Variants in C12orf42 observed in about 807,000 individuals in gnomAD.
C12orf42 encodes the protein uncharacterized protein C12orf42.
C12orf42 carries 25 observed loss-of-function variants against 21.6 expected under a neutral mutation model. That is an observed-to-expected ratio of 1.16 (90% CI 0.84 to 1.62). C12orf42 has a LOEUF of 1.62. Among genes scored for constraint, C12orf42 ranks in the 40% most tolerant of loss-of-function variants. The pLI is 0.00. For missense variants in C12orf42, 483 were observed against 459.3 expected, an observed-to-expected ratio of 1.05 and a Z score of -0.47; for synonymous variants, 174 against 175.0, an observed-to-expected ratio of 0.99 and a Z score of 0.05.
chr12:103,426,125 G>A (rs1021274117), intron 2 of C12orf42, among the ~76,000 whole-genome samples: 1 of 152,212 alleles, frequency 6.6e-6, no homozygotes, highest in African/African-American at 2.4e-5. Context: ...TGAATTGACA[G>A]AAGTAGGCTT....
At chr12:103,100,223 G>A in the C12orf42 span, among the ~76,000 whole-genome samples, 1 of 152,164 alleles carries the variant, frequency 6.6e-6, no homozygotes, top group Non-Finnish European at 1.5e-5. Flanking sequence ...AACTTTGGCG[G>A]GCAATCTTGC....
At chr12:103,431,307 G>C (rs1006251619) in intron 2 of C12orf42, 3 of 152,288 alleles carry the variant, frequency 2.0e-5, no homozygotes, top group Non-Finnish European at 4.4e-5. Context: ...ACCTAAAAGT[G>C]ATGGAGTTGA....
chr12:103,530,031 A>C, the C12orf42 span, among the ~76,000 whole-genome samples: 1 of 152,222 alleles, frequency 6.6e-6, no homozygotes, highest in Non-Finnish European at 1.5e-5. Context: ...ACAAGTTATT[A>C]AAATGTGTAT....
intron 4 of C12orf42, among the ~76,000 whole-genome samples, chr12:103,348,936 AG>A (rs1310526995): frequency 6.6e-6 from 1 of 152,222 alleles, no homozygotes; most frequent in East Asian, 1.9e-4. Context: ...AGGATGCAGC[AG>A]ACACTGTTGA....
At position 103,466,178 on chromosome 12, in the gene C12orf42, C is replaced by G. The variant is rs1404253591; in HGVS notation, c.78+12171G>C. Among the ~76,000 whole-genome samples the G allele has an allele frequency of 2.0e-5, 3 of 152,228 alleles. No homozygotes were observed. In the East Asian group the frequency reaches 5.8e-4, roughly 29 times the overall value. The stretch of plus-strand genomic sequence containing the variant: ...GGAATAGTTTCAGAAGAAATAGTAC[C>G]AGCTCCTCTGTACCTCTGGTAGAAT... On this transcript the variant is annotated intron_variant, in intron 2 of 5. Coordinates refer to ENST00000548883, the MANE Select transcript of C12orf42 (RefSeq NM_198521.5).
the C12orf42 span, among the ~76,000 whole-genome samples, chr12:103,111,464 G>C: frequency 6.6e-6 from 1 of 152,082 alleles, no homozygotes; most frequent in African/African-American, 2.4e-5. Flanking sequence ...TCATTGATTC[G>C]ATGAATATTA....
At chr12:103,256,111 TAC>T (rs199952822) in intron 10 of C12orf42, among the ~76,000 whole-genome samples, 896 of 33,764 alleles carry the variant, frequency 0.027, 15 homozygotes, top group East Asian at 0.06. Context: ...TATATATATA[TAC>T]ACACACACAC....
At chr12:103,337,371 T>C (rs187086199) in intron 4 of C12orf42, among the ~76,000 whole-genome samples, 2 of 152,224 alleles carry the variant, frequency 1.3e-5, no homozygotes, top group East Asian at 3.9e-4. Context: ...TGTTTGTTTT[T>C]GATGGAATCT....
chr12:103,409,940 A>G (rs2048705734), intron 2 of C12orf42, among the ~76,000 whole-genome samples: 1 of 152,214 alleles, frequency 6.6e-6, no homozygotes, highest in African/African-American at 2.4e-5. Flanking sequence ...CCCAAATGTT[A>G]TTTAGAGTCT....
At chr12:103,310,273 C>CTCTG (rs1555252405) in intron 4 of C12orf42, among the ~76,000 whole-genome samples, 29 of 152,156 alleles carry the variant, frequency 1.9e-4, no homozygotes, top group African/African-American at 6.7e-4. Context: ...CTCTCTCTCT[C>CTCTG]TGTGTCTCTC....
chr12:103,386,984 T>A (rs7958576), intron 3 of C12orf42, among the ~76,000 whole-genome samples: 1 of 152,152 alleles, frequency 6.6e-6, no homozygotes, highest in African/African-American at 2.4e-5. Flanking sequence ...CAGCTCCACA[T>A]CCCATTCAAA....
chr12:103,459,463 C>T (rs975101274), intron 2 of C12orf42, among the ~76,000 whole-genome samples: 10 of 152,168 alleles, frequency 6.6e-5, no homozygotes, highest in South Asian at 2.1e-4. Flanking sequence ...GTGGCACCTC[C>T]CCCTGCTCTT....
At chr12:103,077,298 G>T in the C12orf42 span, among the ~76,000 whole-genome samples, 1 of 152,144 alleles carries the variant, frequency 6.6e-6, no homozygotes, top group Admixed American at 6.5e-5. Flanking sequence ...CAACAGAAAA[G>T]TGCAAATATT....
At chr12:103,460,318 C>G (rs1031211597) in intron 2 of C12orf42, among the ~76,000 whole-genome samples, 10 of 151,604 alleles carry the variant, frequency 6.6e-5, no homozygotes, top group African/African-American at 2.4e-4. Context: ...AAAGGAATTC[C>G]CGGGAAAGAT....
intron 3 of C12orf42, among the ~76,000 whole-genome samples, chr12:103,388,262 C>T (rs1238909712): frequency 6.6e-6 from 1 of 152,160 alleles, no homozygotes; most frequent in East Asian, 1.9e-4. Flanking sequence ...TGATCTCTCT[C>T]CCTGTTTTCT....
In C12orf42 at chr12:103,453,025, C is replaced by CA. The variant is rs34639780; in HGVS notation, c.78+25323dup. ...ATGTACCCTAGAACTTATAGTATAT[C>CA]AAAAAAAAAAAGAAAAGGAAATTTT... On this transcript the variant is annotated intron_variant, in intron 2 of 5. Transcript: ENST00000548883. Among the ~76,000 whole-genome samples, 1,321 of 148,906 alleles carry CA rather than the reference C, an allele frequency of 8.9e-3. 25 individuals carry two copies. The highest frequency in any genetic ancestry group is 0.031 in the African/African-American group (1,236 of 40,376).
chr12:103,104,359 T>C, the C12orf42 span, among the ~76,000 whole-genome samples: 2 of 152,200 alleles, frequency 1.3e-5, no homozygotes, highest in African/African-American at 4.8e-5. Context: ...AACAAACAAA[T>C]TGAATACCAA....
chr12:103,296,669 A>C (rs2037310847), intron 4 of C12orf42, among the ~76,000 whole-genome samples: 1 of 152,178 alleles, frequency 6.6e-6, no homozygotes, highest in Non-Finnish European at 1.5e-5. Context: ...TCTTTTGAGA[A>C]GTGTCTCTTC....
the C12orf42 span, among the ~76,000 whole-genome samples, chr12:103,506,940 T>TA: frequency 1.5e-4 from 1 of 6,614 alleles, no homozygotes; most frequent in African/African-American, 1.4e-3. Flanking sequence ...ATATATTATA[T>TA]TTATATATAA....
Sources: gnomAD v4.1 joint callset for allele counts (sites outside exome capture counted in the v4.1 genomes callset) on GRCh38, gnomAD v4.1.1 for gene constraint, MANE v1.5 for transcripts, NCBI Gene and HGNC (gene_info 2026-07-23, HGNC 2026-07-21) for gene names.